Variants in DLG2 observed in about 807,000 individuals in gnomAD.
DLG2 encodes disks large homolog 2.
DLG2 carries 45 observed loss-of-function variants against 132.5 expected under a neutral mutation model. That is an observed-to-expected ratio of 0.34 (90% CI 0.27 to 0.44). The LOEUF (loss-of-function observed/expected upper bound fraction) is 0.44, where lower values mean the gene tolerates loss of function less well. Ranked by LOEUF, DLG2 falls within the 20% of genes least tolerant of loss-of-function variation. The probability of loss-of-function intolerance (pLI) is 1.00; values close to 1 mark genes in which losing one functional copy is unlikely to be tolerated. For synonymous variants in DLG2, 424 were observed against 419.6 expected (o/e 1.01, Z -0.13); for missense variants, 1,045 against 1,196.9 (o/e 0.87, Z 1.87).
At chr11:84,422,117 G>C (rs574413168) in intron 7 of DLG2, among the ~76,000 whole-genome samples, 33 of 152,110 alleles carry the variant, frequency 2.2e-4, no homozygotes, top group African/African-American at 7.5e-4. Context: ...AAGGTACTTG[G>C]GCAAATTATG....
intron 3 of DLG2, among the ~76,000 whole-genome samples, chr11:85,562,256 G>C (rs1264216954): frequency 6.6e-6 from 1 of 151,634 alleles, no homozygotes; most frequent in Non-Finnish European, 1.5e-5. Context: ...ATATTACTTA[G>C]AACTACTTTC....
chr11:84,883,251 T>G (rs771800817), intron 6 of DLG2, among the ~76,000 whole-genome samples: 1 of 150,974 alleles, frequency 6.6e-6, no homozygotes, highest in African/African-American at 2.4e-5. Flanking sequence ...TAAGTGGGAG[T>G]TGAACAATGA....
intron 3 of DLG2, among the ~76,000 whole-genome samples, chr11:85,585,823 C>T (rs2078930602): frequency 6.6e-6 from 1 of 151,900 alleles, no homozygotes. Flanking sequence ...AAGCTATTCT[C>T]CTGCCTCAGC....
intron 7 of DLG2, among the ~76,000 whole-genome samples, chr11:84,486,246 G>A (rs2099150577): frequency 6.6e-6 from 1 of 152,078 alleles, no homozygotes. Context: ...GGCCCTCTAA[G>A]AGACCTTTAG....
At chr11:85,142,287 T>G (rs1018971080) in intron 5 of DLG2, among the ~76,000 whole-genome samples, 1 of 151,848 alleles carries the variant, frequency 6.6e-6, no homozygotes, top group African/African-American at 2.4e-5. Flanking sequence ...TGATTAAAAT[T>G]TATTCCTAGG....
intron 6 of DLG2, among the ~76,000 whole-genome samples, chr11:85,037,545 T>C (rs1243514180): frequency 6.6e-6 from 1 of 152,146 alleles, no homozygotes; most frequent in African/African-American, 2.4e-5. Context: ...CAAAGAATTG[T>C]TAGTATTAGG....
intron 11 of DLG2, among the ~76,000 whole-genome samples, chr11:83,999,627 C>T (rs542368249): frequency 2.6e-5 from 4 of 152,210 alleles, no homozygotes; most frequent in Admixed American, 6.5e-5. Flanking sequence ...ACATGCTCAG[C>T]TCACTGCTGC....
chr11:83,978,323 T>C (rs2092464296), intron 12 of DLG2, among the ~76,000 whole-genome samples: 1 of 151,824 alleles, frequency 6.6e-6, no homozygotes, highest in Non-Finnish European at 1.5e-5. Flanking sequence ...GAACCGTGAG[T>C]CAAAGGTCAA....
intron 7 of DLG2, among the ~76,000 whole-genome samples, chr11:84,442,101 G>C (rs1295834396): frequency 6.6e-6 from 1 of 152,096 alleles, no homozygotes; most frequent in East Asian, 1.9e-4. Flanking sequence ...GGCTATACAG[G>C]CTCTTTTTTC....
chr11:84,132,907 T>C (rs572725931), intron 9 of DLG2, among the ~76,000 whole-genome samples: 1 of 152,092 alleles, frequency 6.6e-6, no homozygotes, highest in South Asian at 2.1e-4. Flanking sequence ...GGCATGAAAA[T>C]ATCCATGTGT....
At chr11:84,589,575 A>G (rs1331434513) in intron 6 of DLG2, among the ~76,000 whole-genome samples, 1 of 152,234 alleles carries the variant, frequency 6.6e-6, no homozygotes, top group African/African-American at 2.4e-5. Context: ...AAACATTAAA[A>G]AAAAGAAATT....
intron 6 of DLG2, among the ~76,000 whole-genome samples, chr11:85,104,063 G>A (rs2071309204): frequency 6.6e-6 from 1 of 151,876 alleles, no homozygotes; most frequent in South Asian, 2.1e-4. Context: ...GTAATAACGA[G>A]TGTTTGTGAA....
At chr11:85,201,327 G>A (rs2081442156) in intron 4 of DLG2, among the ~76,000 whole-genome samples, 1 of 152,118 alleles carries the variant, frequency 6.6e-6, no homozygotes, top group South Asian at 2.1e-4. Context: ...GGAGAGGGCT[G>A]AGTCTCAACT....
At chr11:84,703,195 GATTA>G (rs2059387202) in intron 6 of DLG2, among the ~76,000 whole-genome samples, 1 of 151,616 alleles carries the variant, frequency 6.6e-6, no homozygotes, top group Non-Finnish European at 1.5e-5. Flanking sequence ...CCTATGCTTA[GATTA>G]ATTGAGTCAT....
intron 18 of DLG2, among the ~76,000 whole-genome samples, chr11:83,651,045 C>T (rs1350511120): frequency 6.6e-6 from 1 of 152,016 alleles, no homozygotes; most frequent in African/African-American, 2.4e-5. Flanking sequence ...TTCATTTTTG[C>T]ATTTATGACA....
intron 3 of DLG2, among the ~76,000 whole-genome samples, chr11:85,391,158 C>T (rs546877882): frequency 4.6e-5 from 7 of 152,046 alleles, no homozygotes; most frequent in South Asian, 4.2e-4. Context: ...ATTATGAAAA[C>T]GTTTACATGC....
intron 3 of DLG2, among the ~76,000 whole-genome samples, chr11:85,468,876 T>C (rs1231929300): frequency 6.6e-6 from 1 of 152,168 alleles, no homozygotes; most frequent in African/African-American, 2.4e-5. Flanking sequence ...TAAGTTGGTC[T>C]TCAACTTGTG....
At chr11:85,483,836 CAGG>C (rs1421088946) in intron 3 of DLG2, among the ~76,000 whole-genome samples, 2 of 147,618 alleles carry the variant, frequency 1.4e-5, no homozygotes, top group African/African-American at 2.5e-5. Context: ...CCCAGCTACT[CAGG>C]AGGCTGAGGC....
At chr11:84,574,074 C>T (rs374415703) in intron 6 of DLG2, among the ~76,000 whole-genome samples, 1 of 152,130 alleles carries the variant, frequency 6.6e-6, no homozygotes, top group African/African-American at 2.4e-5. Context: ...AGAACTGAGA[C>T]TCCAGATGTC....
Sources: gnomAD v4.1 joint callset for allele counts (sites outside exome capture counted in the v4.1 genomes callset) on GRCh38, gnomAD v4.1.1 for gene constraint, MANE v1.5 for transcripts, NCBI Gene and HGNC (gene_info 2026-07-23, HGNC 2026-07-21) for gene names.